FBN2: variants seen among roughly 807,000 people sequenced by gnomAD.
The protein encoded by FBN2 is fibrillin-2.
In FBN2, 105 loss-of-function variants were observed where a neutral mutation model predicts 355.6. The observed-to-expected ratio is 0.30, with a 90% confidence interval of 0.25 to 0.35. FBN2 has a LOEUF of 0.35. Among genes scored for constraint, FBN2 ranks in the 10% least tolerant of loss-of-function variants. The pLI, the probability that FBN2 is intolerant of heterozygous loss-of-function variation, is 1.00. For missense variants in FBN2, 3,280 were observed against 3,758.7 expected (o/e 0.87, Z 3.33); for synonymous variants, 1,350 against 1,301.2 (o/e 1.04, Z -0.81).
At chr5:128,287,119 C>T (rs759030670) in intron 54 of FBN2, among the ~76,000 whole-genome samples, 189 bp downstream of exon 54, 3 of 152,128 alleles carry the variant, frequency 2.0e-5, no homozygotes, top group African/African-American at 7.2e-5. Flanking sequence ...CATCTTATCT[C>T]GGACTTGATT....
At chr5:128,498,834 A>G (rs955662055) in intron 5 of FBN2, among the ~76,000 whole-genome samples, 1 of 152,260 alleles carries the variant, frequency 6.6e-6, no homozygotes, top group South Asian at 2.1e-4. Flanking sequence ...CTATAATGTA[A>G]TAACTGATTA....
chr5:128,305,678 A>G, intron 43 of FBN2, 42 bp from the exon 44 acceptor site: 1 of 1,610,400 alleles, frequency 6.2e-7, no homozygotes. Context: ...CCTTTTTAGT[A>G]TTGTATTAGC....
intron 5 of FBN2, among the ~76,000 whole-genome samples, chr5:128,515,053 AT>A (rs1160994203): frequency 1.3e-5 from 2 of 152,184 alleles, no homozygotes; most frequent in Non-Finnish European, 2.9e-5. Context: ...TTTATAATAC[AT>A]TCCAAGTCCA....
At chr5:128,500,994 A>G (rs1312793810) in intron 5 of FBN2, among the ~76,000 whole-genome samples, 1 of 152,210 alleles carries the variant, frequency 6.6e-6, no homozygotes, top group Non-Finnish European at 1.5e-5. Context: ...TTAAGCACAA[A>G]GAACATAAGA....
intron 62 of FBN2, among the ~76,000 whole-genome samples, chr5:128,266,025 A>T (rs1173404731): frequency 6.6e-6 from 1 of 152,200 alleles, no homozygotes; most frequent in Non-Finnish European, 1.5e-5. Context: ...CAGATAAAAA[A>T]TGTTGGTGGC....
Position 128,312,712 on chromosome 5 carries a change from C to A in FBN2, c.4801G>T (p.Val1601Phe). ...LSCNTEIGVG[V>F]SRSSCCCSLG... ...GAGCAGCAGCATGAAGAGCGACTGA[C>A]GCCCACCCCGATCTCGGTGTTGCAA... The change falls in exon 37 of 65, where the codon GTC becomes TTC. Residue 1601 changes from valine (V) to phenylalanine (F), a missense_variant. This residue lies in a region of FBN2 where 2,284 missense variants were observed against 2,749.5 expected (regional missense o/e 0.83). Coordinates refer to ENST00000262464, the MANE Select transcript of FBN2 (RefSeq NM_001999.4). 1 of 1,614,026 alleles carries A rather than the reference C, an allele frequency of 6.2e-7. No individual in the cohort carries two copies. The highest frequency in any genetic ancestry group is 1.1e-5 in the South Asian group (1 of 91,058).
intron 5 of FBN2, among the ~76,000 whole-genome samples, chr5:128,513,545 A>C (rs1056888044): frequency 2.0e-5 from 3 of 152,242 alleles, no homozygotes; most frequent in African/African-American, 4.8e-5. Context: ...AATGAGATAC[A>C]CACTGCTTTT....
intron 8 of FBN2, among the ~76,000 whole-genome samples, chr5:128,405,445 A>T (rs1752901347): frequency 6.6e-6 from 1 of 152,246 alleles, no homozygotes; most frequent in East Asian, 1.9e-4. Context: ...TTATAACATA[A>T]GGAGGCAAGA....
At chr5:128,447,168 A>G (rs1189302857) in intron 6 of FBN2, among the ~76,000 whole-genome samples, 1 of 152,188 alleles carries the variant, frequency 6.6e-6, no homozygotes, top group Non-Finnish European at 1.5e-5. Flanking sequence ...AATTGTTTAA[A>G]CGATATGAAA....
At chr5:128,321,126 A>G (rs554081376) in intron 34 of FBN2, among the ~76,000 whole-genome samples, 1 of 152,180 alleles carries the variant, frequency 6.6e-6, no homozygotes, top group South Asian at 2.1e-4. Flanking sequence ...GAAGGGTGGG[A>G]CTTTTATGAA....
At chr5:128,504,537 A>G (rs540876509) in intron 5 of FBN2, among the ~76,000 whole-genome samples, 1 of 152,206 alleles carries the variant, frequency 6.6e-6, no homozygotes, top group African/African-American at 2.4e-5. Flanking sequence ...AAAAGGGATC[A>G]TTATGGAGCT....
chr5:128,509,410 T>G (rs1756052005), intron 5 of FBN2, among the ~76,000 whole-genome samples: 1 of 152,190 alleles, frequency 6.6e-6, no homozygotes, highest in Admixed American at 6.5e-5. Context: ...CATTGTAGTT[T>G]TCATCTGTAG....
intron 24 of FBN2, among the ~76,000 whole-genome samples, chr5:128,345,121 G>A (rs190527049): frequency 4.1e-4 from 62 of 152,288 alleles, no homozygotes; most frequent in African/African-American, 1.4e-3. Context: ...CGACATCTCC[G>A]GTTGCAGAGG....
chr5:128,424,612 C>T (rs1449964594), intron 7 of FBN2, among the ~76,000 whole-genome samples: 3 of 152,076 alleles, frequency 2.0e-5, no homozygotes, highest in African/African-American at 7.2e-5. Context: ...TAAGGAAATA[C>T]ATTGAAAATA....
intron 6 of FBN2, among the ~76,000 whole-genome samples, chr5:128,448,503 C>A (rs1490473631): frequency 1.3e-5 from 2 of 151,916 alleles, no homozygotes; most frequent in African/African-American, 4.8e-5. Context: ...GATGGGGTTT[C>A]TCCATGTTGG....
At chr5:128,391,679 C>T (rs1220829627) in intron 11 of FBN2, among the ~76,000 whole-genome samples, 1 of 152,132 alleles carries the variant, frequency 6.6e-6, no homozygotes, top group Admixed American at 6.5e-5. Flanking sequence ...AAGATGGATT[C>T]ATGCTTGACG....
chr5:128,464,623 T>A, intron 6 of FBN2, 101 bp downstream of exon 6: 2 of 1,273,954 alleles, frequency 1.6e-6, no homozygotes, highest in South Asian at 2.4e-5. Context: ...TGGAAATCAG[T>A]ATTCTGTTAA....
chr5:128,527,064 T>G (rs981754963), intron 4 of FBN2, among the ~76,000 whole-genome samples: 3 of 152,138 alleles, frequency 2.0e-5, no homozygotes, highest in African/African-American at 7.2e-5. Context: ...ATAGTCTACA[T>G]CAGGTAAAAA....
In FBN2 at chr5:128,263,553, C is replaced by G. The variant is rs751485739; in HGVS notation, c.8064G>C (p.Gln2688His). Residue 2688 changes from glutamine (Q) to histidine (H), a missense_variant, in exon 63 of 65, where the codon CAG (glutamine) becomes CAC (histidine). Physicochemically the swap from Gln to His is conservative, Grantham distance 24. Around this residue, in one of 6 missense-constraint regions of FBN2, gnomAD observed 311 missense variants for 319.1 expected, o/e 0.97. Coordinates refer to ENST00000262464, the MANE Select transcript of FBN2 (RefSeq NM_001999.4). The stretch of plus-strand genomic sequence containing the variant: ...TCACGTCGTGGCAGGCACTGGAGAA[C>G]TGGTCGAAGGAGAACCCCGAGGGGC... ...CACPSGFSFD[Q>H]FSSACHDVNE... 6.2e-7 allele frequency: 1 copy of G among 1,614,108 alleles called. No individual in the cohort carries two copies. Among genetic ancestry groups the G allele is most frequent in the East Asian group, 2.2e-5 (1 of 44,862 alleles).
Sources: allele counts gnomAD v4.1 joint callset (sites outside exome capture counted in the v4.1 genomes callset), GRCh38; gene constraint gnomAD v4.1.1; regional missense constraint gnomAD v4.1.1; transcripts MANE v1.5; gene names NCBI Gene and HGNC (gene_info 2026-07-23, HGNC 2026-07-21).